Variants in SLIT3 observed in about 807,000 individuals in gnomAD.
The protein encoded by SLIT3 is slit homolog 3 protein.
In SLIT3, 68 loss-of-function variants were observed where a neutral mutation model predicts 184.0. The observed-to-expected ratio is 0.37, with a 90% confidence interval of 0.30 to 0.45. SLIT3 has a LOEUF of 0.45. Among genes scored for constraint, SLIT3 ranks in the 20% least tolerant of loss-of-function variants. The pLI is 1.00. For missense variants in SLIT3, 1,707 were observed against 2,026.0 expected (o/e 0.84, Z 3.02); for synonymous variants, 831 against 828.6 (o/e 1.00, Z -0.05).
intron 6 of SLIT3, among the ~76,000 whole-genome samples, chr5:168,827,185 G>A (rs1757733479): frequency 6.6e-6 from 1 of 152,198 alleles, no homozygotes; most frequent in Non-Finnish European, 1.5e-5. Flanking sequence ...ACTGAGTCCA[G>A]GAATGAGGCC....
chr5:168,826,125 A>G (rs1581121160), intron 6 of SLIT3, among the ~76,000 whole-genome samples: 1 of 152,266 alleles, frequency 6.6e-6, no homozygotes, highest in African/African-American at 2.4e-5. Flanking sequence ...CTCAACTATA[A>G]CTGCATCCGG....
At chr5:169,199,577 T>C (rs1763851051) in intron 3 of SLIT3, among the ~76,000 whole-genome samples, 1 of 152,150 alleles carries the variant, frequency 6.6e-6, no homozygotes, top group Non-Finnish European at 1.5e-5. Context: ...ACTGAGCACT[T>C]TACATGCACT....
chr5:169,037,346 C>T (rs1036058721), intron 4 of SLIT3, among the ~76,000 whole-genome samples: 6 of 152,184 alleles, frequency 3.9e-5, no homozygotes, highest in African/African-American at 1.2e-4. Flanking sequence ...TAGCTTTATT[C>T]GTTAGTGGAG....
intron 4 of SLIT3, among the ~76,000 whole-genome samples, chr5:168,929,703 C>T (rs888432809): frequency 6.6e-6 from 1 of 152,214 alleles, no homozygotes; most frequent in Non-Finnish European, 1.5e-5. Flanking sequence ...TCTATTTGTA[C>T]ATGAGCAGAT....
At chr5:168,941,473 G>A (rs1415653958) in intron 4 of SLIT3, among the ~76,000 whole-genome samples, 2 of 152,186 alleles carry the variant, frequency 1.3e-5, no homozygotes, top group African/African-American at 2.4e-5. Flanking sequence ...TTAGTGCAGT[G>A]TCTGGTACAT....
At chr5:168,803,708 G>A (rs1162422375) in intron 9 of SLIT3, among the ~76,000 whole-genome samples, 5 of 152,132 alleles carry the variant, frequency 3.3e-5, no homozygotes, top group Admixed American at 6.5e-5. Context: ...GAACCTAGCC[G>A]AGGGACGGTC....
At chr5:168,754,211 A>G (rs1416140154) in intron 16 of SLIT3, among the ~76,000 whole-genome samples, 2 of 152,170 alleles carry the variant, frequency 1.3e-5, no homozygotes, top group Non-Finnish European at 2.9e-5. Context: ...GGCCCTATAC[A>G]GGTGAAGCTA....
chr5:168,909,212 A>G (rs1389682866), intron 4 of SLIT3, among the ~76,000 whole-genome samples: 1 of 152,254 alleles, frequency 6.6e-6, no homozygotes, highest in East Asian at 1.9e-4. Context: ...TATTTTGGGC[A>G]TAGTCCTACT....
Position 168,826,634 on chromosome 5 carries a change from G to A in SLIT3, c.558-3303C>T, listed in dbSNP as rs548606715. On this transcript the variant is annotated intron_variant, in intron 6 of 35. Transcript: ENST00000519560. ...TACGTTTCCTCCTTTGTAACATGGA[G>A]ATAATAATAGCACTGGGCTCATAGA... is the stretch of plus-strand genomic sequence containing the variant. Among the ~76,000 whole-genome samples, 10 of 152,340 alleles carry A rather than the reference G, an allele frequency of 6.6e-5. No homozygotes were observed. In the South Asian group the frequency reaches 2.1e-3, roughly 32 times the overall value.
intron 1 of SLIT3, among the ~76,000 whole-genome samples, chr5:169,266,185 A>C (rs941997949): frequency 1.3e-5 from 2 of 152,194 alleles, no homozygotes; most frequent in African/African-American, 4.8e-5. Context: ...ACTGCATAGG[A>C]GAGCACATGA....
intron 11 of SLIT3, among the ~76,000 whole-genome samples, chr5:168,788,745 T>C (rs1756250854): frequency 6.6e-6 from 1 of 152,096 alleles, no homozygotes; most frequent in Admixed American, 6.5e-5. Flanking sequence ...ATATATTTTA[T>C]ATTTTAGGTT....
chr5:169,151,170 G>A (rs184875783), intron 4 of SLIT3, among the ~76,000 whole-genome samples: 8 of 152,306 alleles, frequency 5.3e-5, no homozygotes, highest in Non-Finnish European at 7.4e-5. Context: ...ACCACCCCCT[G>A]CTTCCCACTG....
chr5:169,151,717 A>G (rs1477148507), intron 4 of SLIT3, among the ~76,000 whole-genome samples: 1 of 152,240 alleles, frequency 6.6e-6, no homozygotes. Context: ...CCTGTAAAGT[A>G]CTAGGGTCGG....
intron 4 of SLIT3, among the ~76,000 whole-genome samples, chr5:169,173,297 G>T (rs991180492): frequency 2.0e-5 from 3 of 152,186 alleles, no homozygotes; most frequent in African/African-American, 7.2e-5. Flanking sequence ...TTGGATAGCA[G>T]AAAGTGAGAG....
intron 32 of SLIT3, among the ~76,000 whole-genome samples, chr5:168,678,754 TCTA>T (rs1319408350): frequency 1.3e-5 from 2 of 151,944 alleles, no homozygotes; most frequent in African/African-American, 4.8e-5. Context: ...GGAAAATGGC[TCTA>T]CTGTGACAAA....
intron 4 of SLIT3, among the ~76,000 whole-genome samples, chr5:169,191,428 C>A (rs1317365730): frequency 2.0e-5 from 3 of 152,186 alleles, no homozygotes; most frequent in Non-Finnish European, 2.9e-5. Flanking sequence ...CTCCTAGTCT[C>A]TTCATGCCTC....
intron 4 of SLIT3, among the ~76,000 whole-genome samples, chr5:168,895,673 C>G (rs1017388877): frequency 1.3e-5 from 2 of 152,168 alleles, no homozygotes; most frequent in African/African-American, 4.8e-5. Flanking sequence ...CATCATGACC[C>G]CATGCGCTAT....
intron 4 of SLIT3, among the ~76,000 whole-genome samples, chr5:169,116,966 G>C (rs1309209249): frequency 6.6e-6 from 1 of 152,168 alleles, no homozygotes; most frequent in South Asian, 2.1e-4. Context: ...CTTCAGGGAG[G>C]GTTTACTGTC....
In SLIT3 at chr5:168,762,667, C is replaced by T; in HGVS notation, c.1482G>A (p.Arg494=). The change falls in exon 15 of 36, where the codon AGG becomes AGA. Residue 494 remains arginine (R), a synonymous_variant. Coordinates refer to ENST00000519560, the MANE Select transcript of SLIT3 (RefSeq NM_003062.4). ...GGTCCATGAAGCACTCGCTGCTGAA[C>T]CTGCTGCGGTAATCCTCGGAGCCTG... ...RCSGSEDYRS[R]FSSECFMDLV... 5 of 1,613,978 alleles carry T rather than the reference C, an allele frequency of 3.1e-6. No individual in the cohort carries two copies. The highest frequency in any genetic ancestry group is 4.2e-6 in the Non-Finnish European group (5 of 1,179,940).
Sources: gnomAD v4.1 joint callset for allele counts (sites outside exome capture counted in the v4.1 genomes callset) on GRCh38, gnomAD v4.1.1 for gene constraint, MANE v1.5 for transcripts, NCBI Gene and HGNC (gene_info 2026-07-23, HGNC 2026-07-21) for gene names.